USH2A: variants seen among roughly 807,000 people sequenced by gnomAD.
USH2A encodes usherin, also known as Usher syndrome 2A (autosomal recessive, mild).
A neutral mutation model predicts 538.9 loss-of-function variants in USH2A; 443 were observed. The observed-to-expected ratio is 0.82, with a 90% CI of 0.76 to 0.89. USH2A has a LOEUF of 0.89. Ranked by LOEUF, USH2A falls within the 40% of genes least tolerant of loss-of-function variation. USH2A has a pLI of 0.00. For missense variants in USH2A, 6,633 were observed against 6,324.8 expected (o/e 1.05, Z -1.65); for synonymous variants, 2,413 against 2,273.5 (o/e 1.06, Z -1.75).
intron 38 of USH2A, among the ~76,000 whole-genome samples, chr1:215,911,452 C>G (rs930289459): frequency 2.0e-5 from 3 of 152,018 alleles, no homozygotes; most frequent in Middle Eastern, 3.4e-3. Flanking sequence ...TGAGAACATG[C>G]CACATTTGTC....
At chr1:216,041,729 T>A (rs1237319313) in intron 32 of USH2A, among the ~76,000 whole-genome samples, 2 of 151,984 alleles carry the variant, frequency 1.3e-5, no homozygotes, top group Non-Finnish European at 2.9e-5. Context: ...CCAATTAAAT[T>A]TTTGCTCATC....
At chr1:215,721,271 C>T (rs999932051) in intron 61 of USH2A, among the ~76,000 whole-genome samples, 12 of 152,182 alleles carry the variant, frequency 7.9e-5, no homozygotes, top group African/African-American at 2.7e-4. Flanking sequence ...GACAGGATTT[C>T]ACCACGTTGG....
At chr1:216,130,939 C>T (rs2033363914) in intron 21 of USH2A, among the ~76,000 whole-genome samples, 1 of 151,748 alleles carries the variant, frequency 6.6e-6, no homozygotes, top group Non-Finnish European at 1.5e-5. Flanking sequence ...TGAAGAAATG[C>T]TCCCTGTTCA....
At chr1:216,208,545 A>G (rs2035170005) in intron 15 of USH2A, among the ~76,000 whole-genome samples, 1 of 152,156 alleles carries the variant, frequency 6.6e-6, no homozygotes, top group African/African-American at 2.4e-5. Context: ...TAAAGGAACC[A>G]CTTTCAAAAG....
intron 37 of USH2A, among the ~76,000 whole-genome samples, chr1:215,943,240 T>C (rs943998932): frequency 5.3e-5 from 8 of 151,972 alleles, no homozygotes; most frequent in African/African-American, 1.7e-4. Context: ...AAAATAACCA[T>C]GTAGTTTGGG....
rs773131595 is a variant in USH2A at position 216,056,705 on chromosome 1, C to G, written c.6050-8058G>C. Among the ~76,000 whole-genome samples the G allele has an allele frequency of 3.1e-4, 47 of 152,182 alleles. 1 individual carries two copies. The highest frequency in any genetic ancestry group is 6.8e-3 in the Middle Eastern group (2 of 294). On this transcript the variant is annotated intron_variant, in intron 30 of 71. Coordinates refer to ENST00000307340, the MANE Select transcript of USH2A (RefSeq NM_206933.4). ...AAACAGAAATTAGAAGTCTTGTCCT[C>G]CAAAATGAGCAAGTTTGTATGCCTG...
At chr1:216,346,009 C>T (rs529672545) in intron 4 of USH2A, among the ~76,000 whole-genome samples, 1 of 152,154 alleles carries the variant, frequency 6.6e-6, no homozygotes, top group Non-Finnish European at 1.5e-5. Flanking sequence ...AATGGTGACC[C>T]AGGTTCAGGG....
At chr1:216,121,166 T>G (rs1445134457) in intron 21 of USH2A, among the ~76,000 whole-genome samples, 1 of 152,196 alleles carries the variant, frequency 6.6e-6, no homozygotes, top group Non-Finnish European at 1.5e-5. Flanking sequence ...AACAGAAATG[T>G]GTAATGTATT....
chr1:215,826,269 T>C (rs12141340), intron 47 of USH2A, among the ~76,000 whole-genome samples: 5,200 of 152,234 alleles, frequency 0.034, 98 homozygotes, highest in African/African-American at 0.05. Context: ...TGTTCTGCTC[T>C]TTTGGCACCA....
chr1:216,354,821 A>T (rs1232124078), intron 4 of USH2A, among the ~76,000 whole-genome samples: 1 of 152,090 alleles, frequency 6.6e-6, no homozygotes, highest in East Asian at 1.9e-4. Flanking sequence ...AAGGAAGCAA[A>T]AAAAGGAAAA....
intron 43 of USH2A, 65 bp from the exon 44 acceptor site, chr1:215,867,235 TTTC>T (rs1664497617): frequency 6.5e-7 from 1 of 1,527,922 alleles, no homozygotes; most frequent in South Asian, 1.2e-5. Flanking sequence ...TAACAAATAA[TTTC>T]TTTTTTTCTT....
chr1:215,994,595 G>A (rs1383431383), intron 34 of USH2A, among the ~76,000 whole-genome samples: 1 of 152,060 alleles, frequency 6.6e-6, no homozygotes, highest in Non-Finnish European at 1.5e-5. Flanking sequence ...GTTAAATTGT[G>A]GCCTGAGCAT....
intron 20 of USH2A, among the ~76,000 whole-genome samples, chr1:216,187,997 G>A (rs1487064399): frequency 6.6e-6 from 1 of 151,752 alleles, no homozygotes; most frequent in African/African-American, 2.4e-5. Flanking sequence ...TAACTTTCAC[G>A]TCACATGACT....
At chr1:215,716,696 T>C (rs959062716) in intron 61 of USH2A, among the ~76,000 whole-genome samples, 1 of 152,258 alleles carries the variant, frequency 6.6e-6, no homozygotes, top group Non-Finnish European at 1.5e-5. Flanking sequence ...AATTCTCTGA[T>C]TTTGTAATGT....
At chr1:215,999,232 G>A (rs1668209538) in intron 33 of USH2A, among the ~76,000 whole-genome samples, 174 bp from the exon 34 acceptor site, 1 of 152,100 alleles carries the variant, frequency 6.6e-6, no homozygotes, top group African/African-American at 2.4e-5. Flanking sequence ...CCTATTCTGA[G>A]GGGCAAAAAG....
chr1:215,765,403 G>A (rs1661097861), intron 56 of USH2A, among the ~76,000 whole-genome samples: 1 of 152,044 alleles, frequency 6.6e-6, no homozygotes, highest in Non-Finnish European at 1.5e-5. Context: ...CCATTTACTG[G>A]TAGGAAGTTC....
intron 44 of USH2A, among the ~76,000 whole-genome samples, chr1:215,853,737 C>T (rs1664082136): frequency 6.6e-6 from 1 of 152,160 alleles, no homozygotes; most frequent in South Asian, 2.1e-4. Flanking sequence ...ATCTCTAGGG[C>T]AGGGGCAAAA....
intron 35 of USH2A, among the ~76,000 whole-genome samples, chr1:215,971,927 T>C (rs1163001803): frequency 6.6e-6 from 1 of 152,146 alleles, no homozygotes; most frequent in Non-Finnish European, 1.5e-5. Flanking sequence ...GAGAGCACCG[T>C]CATTTGTACA....
chr1:216,354,982 A>T (rs1222530266), intron 4 of USH2A, among the ~76,000 whole-genome samples: 1 of 152,106 alleles, frequency 6.6e-6, no homozygotes, highest in Non-Finnish European at 1.5e-5. Flanking sequence ...AACATGAAAG[A>T]TAAAAATAAA....
Sources: allele counts gnomAD v4.1 joint callset (sites outside exome capture counted in the v4.1 genomes callset), GRCh38; gene constraint gnomAD v4.1.1; transcripts MANE v1.5; gene names NCBI Gene and HGNC (gene_info 2026-07-23, HGNC 2026-07-21).